Variants in KIF5C observed in about 807,000 individuals in gnomAD.
KIF5C encodes the protein kinesin family member 5C.
A neutral mutation model predicts 125.2 loss-of-function variants in KIF5C; 18 were observed. The observed-to-expected ratio is 0.14, with a 90% CI of 0.10 to 0.21. The LOEUF is 0.21. Ranked by LOEUF, KIF5C falls within the 10% of genes least tolerant of loss-of-function variation. The pLI is 1.00. For missense variants in KIF5C, 780 were observed against 1,183.8 expected, an observed-to-expected ratio of 0.66 and a Z score of 5.01; for synonymous variants, 405 against 434.0, an observed-to-expected ratio of 0.93 and a Z score of 0.83.
At chr2:148,929,435 G>A (rs1161375955) in intron 3 of KIF5C, 81 bp downstream of exon 3, 8 of 864,074 alleles carry the variant, frequency 9.3e-6, no homozygotes, top group African/African-American at 6.8e-5. Context: ...TGAGGTGCAT[G>A]TGGCTTTCTT....
At position 148,998,088 on chromosome 2, in the gene KIF5C, G is replaced by A. The variant is rs927544206; in HGVS notation, c.2101-312G>A. ...TCTGGAGGTTACGTGGATAGGGAGA[G>A]GTTGGTGCCCTCTGACTGACCTGGC... On this transcript the variant is annotated intron_variant, in intron 18 of 25. Transcript: ENST00000435030. 1.0e-5 allele frequency: 4 copies of A among 387,966 alleles called. No homozygotes were observed. In the Admixed American group the frequency reaches 1.4e-4, roughly 14 times the overall value. The allele number at this position is 387,966 out of a possible 1,614,324, so 24.0% of individuals were successfully genotyped here.
intron 21 of KIF5C, among the ~76,000 whole-genome samples, chr2:149,002,444 G>A (rs573839651): frequency 3.9e-5 from 6 of 152,082 alleles, no homozygotes; most frequent in Admixed American, 6.6e-5. Context: ...CTGCGCAGCC[G>A]CACTCACTCC....
At chr2:148,961,690 C>T (rs949937326) in intron 10 of KIF5C, among the ~76,000 whole-genome samples, 3 of 151,984 alleles carry the variant, frequency 2.0e-5, no homozygotes, top group African/African-American at 4.8e-5. Flanking sequence ...AAGACAGTGG[C>T]AGAGGGAAGA....
At chr2:148,921,350 A>G (rs1681779028) in intron 1 of KIF5C, among the ~76,000 whole-genome samples, 1 of 152,150 alleles carries the variant, frequency 6.6e-6, no homozygotes, top group South Asian at 2.1e-4. Flanking sequence ...TTAAAACATC[A>G]CTTGTGCATG....
chr2:148,996,871 G>A (rs1338350837), intron 17 of KIF5C, among the ~76,000 whole-genome samples: 1 of 152,210 alleles, frequency 6.6e-6, no homozygotes, highest in Non-Finnish European at 1.5e-5. Context: ...CCACCTAACA[G>A]TCACAGAGGG....
chr2:148,967,583 G>A (rs575408243), intron 11 of KIF5C, among the ~76,000 whole-genome samples: 1 of 152,300 alleles, frequency 6.6e-6, no homozygotes, highest in South Asian at 2.1e-4. Flanking sequence ...TTAAAAGGAA[G>A]TTGAGGTGCT....
intron 10 of KIF5C, among the ~76,000 whole-genome samples, chr2:148,955,813 A>G (rs1682777956): frequency 6.6e-6 from 1 of 152,148 alleles, no homozygotes; most frequent in African/African-American, 2.4e-5. Flanking sequence ...GCAGAATCAC[A>G]CATGACAGAT....
intron 17 of KIF5C, among the ~76,000 whole-genome samples, chr2:148,996,290 T>C (rs1681670574): frequency 6.6e-6 from 1 of 152,256 alleles, no homozygotes; most frequent in Non-Finnish European, 1.5e-5. Context: ...GTTTGCTCAG[T>C]AAATGCAATT....
intron 2 of KIF5C, among the ~76,000 whole-genome samples, chr2:148,926,306 C>T (rs767927368): frequency 2.6e-4 from 39 of 152,300 alleles, no homozygotes; most frequent in Non-Finnish European, 4.9e-4. Flanking sequence ...CATGCGGCTG[C>T]GGGATGGAAG....
chr2:148,949,765 C>T (rs970758432), intron 8 of KIF5C, 74 bp from the exon 9 acceptor site: 36 of 1,543,814 alleles, frequency 2.3e-5, no homozygotes, highest in Admixed American at 1.6e-4. Flanking sequence ...CCTTTGCCCT[C>T]GTGTGAATTT....
chr2:149,001,723 A>G (rs539117722), intron 21 of KIF5C, among the ~76,000 whole-genome samples: 5 of 152,212 alleles, frequency 3.3e-5, no homozygotes, highest in African/African-American at 4.8e-5. Flanking sequence ...CCATTCTAAC[A>G]TAGCCTCTCC....
At chr2:148,976,568 G>A (rs1343202765) in intron 12 of KIF5C, among the ~76,000 whole-genome samples, 2 of 148,632 alleles carry the variant, frequency 1.3e-5, no homozygotes, top group African/African-American at 5.0e-5. Flanking sequence ...ACGCCTGGCC[G>A]CATGTTATTT....
At chr2:148,989,302 A>G (rs1259918737) in intron 15 of KIF5C, among the ~76,000 whole-genome samples, 2 of 151,568 alleles carry the variant, frequency 1.3e-5, no homozygotes, top group African/African-American at 4.9e-5. Flanking sequence ...CCACTATTCC[A>G]TTCCTTTTTA....
Position 148,949,910 on chromosome 2 carries a change from T to C in KIF5C, c.786T>C (p.Leu262=), listed in dbSNP as rs1682618350. The change falls in exon 9 of 26, where the codon CTT becomes CTC. Residue 262 remains leucine, a synonymous_variant. Transcript: ENST00000435030. The stretch of plus-strand genomic sequence containing the variant: ...ATATCAATAAGTCTTTGTCTGCTCT[T>C]GGAAATGTGATCTCTGCTTTGGCAG... ...AKNINKSLSA[L]GNVISALAEG... 6.2e-7 allele frequency: 1 copy of C among 1,613,738 alleles called. No homozygotes were observed. The highest frequency in any genetic ancestry group is 1.3e-5 in the African/African-American group (1 of 74,932).
chr2:148,945,149 G>A (rs548865440), intron 7 of KIF5C, among the ~76,000 whole-genome samples: 1 of 152,102 alleles, frequency 6.6e-6, no homozygotes, highest in East Asian at 1.9e-4. Context: ...TTTTGATGAA[G>A]TGTCTATTTT....
At chr2:148,891,275 A>T (rs1042042988) in intron 1 of KIF5C, among the ~76,000 whole-genome samples, 1 of 152,202 alleles carries the variant, frequency 6.6e-6, no homozygotes, top group African/African-American at 2.4e-5. Context: ...TAATTTATTC[A>T]GGAAAGTGAA....
chr2:148,901,803 C>A (rs1680914016), intron 1 of KIF5C, among the ~76,000 whole-genome samples: 2 of 152,148 alleles, frequency 1.3e-5, no homozygotes, highest in South Asian at 4.1e-4. Context: ...AAACCTCCCC[C>A]CATCAATCTC....
chr2:149,025,965 T>C lies in KIF5C; in HGVS notation c.*2895T>C, dbSNP rs1017316526. 6.6e-6 allele frequency: 1 copy of C among 152,654 alleles called. No homozygotes were observed. Among genetic ancestry groups the C allele is most frequent in the African/African-American group, 2.4e-5 (1 of 41,462 alleles). The allele number at this position is 152,654 out of a possible 1,614,324, so 9.5% of individuals were successfully genotyped here. On this transcript the variant is annotated 3_prime_UTR_variant, in exon 26 of 26. Coordinates refer to ENST00000435030, the MANE Select transcript of KIF5C (RefSeq NM_004522.3). ...ATTAAGAAATCAGAATTTATAGATA[T>C]ATTGGGATAAATGAAGAAATAAAAA... is the stretch of plus-strand genomic sequence containing the variant.
chr2:148,922,077 A>T, intron 1 of KIF5C, 60 bp from the exon 2 acceptor site: 1 of 1,194,868 alleles, frequency 8.4e-7, no homozygotes, highest in Middle Eastern at 1.9e-4. Flanking sequence ...GCGATTTTTT[A>T]TTCCTAAACA....
Sources: gnomAD v4.1 joint callset for allele counts (sites outside exome capture counted in the v4.1 genomes callset) on GRCh38, gnomAD v4.1.1 for gene constraint, MANE v1.5 for transcripts, NCBI Gene and HGNC (gene_info 2026-07-23, HGNC 2026-07-21) for gene names.